The following SRP19 variants were observed in gnomAD, a reference collection of about 807,000 sequenced individuals.
The protein encoded by SRP19 is signal recognition particle 19.
SRP19 carries 11 observed loss-of-function variants against 22.4 expected under a neutral mutation model. The observed-to-expected ratio is 0.49, with a 90% CI of 0.31 to 0.81. The LOEUF (loss-of-function observed/expected upper bound fraction) is 0.81. Among genes scored for constraint, SRP19 ranks in the 40% least tolerant of loss-of-function variants. SRP19 has a pLI of 0.05. For synonymous variants in SRP19, 61 were observed against 57.6 expected, an observed-to-expected ratio of 1.06 and a Z score of -0.27; for missense variants, 168 against 175.9, an observed-to-expected ratio of 0.96 and a Z score of 0.25.
At chr5:112,889,891 A>G (rs957885557) in intron 4 of SRP19, among the ~76,000 whole-genome samples, 3 of 149,796 alleles carry the variant, frequency 2.0e-5, no homozygotes, top group Non-Finnish European at 1.5e-5. Flanking sequence ...CTGTGGCACA[A>G]TATCAGCTCA....
At chr5:112,884,278 T>G in intron 4 of SRP19, among the ~76,000 whole-genome samples, 1 of 152,118 alleles carries the variant, frequency 6.6e-6, no homozygotes, top group Non-Finnish European at 1.5e-5. Context: ...CCTCATCTCC[T>G]CCTGCACCCC....
At position 112,888,333 on chromosome 5, in the gene SRP19, C is replaced by T. The variant is rs1382300488; in HGVS notation, c.302-3270C>T. 1.3e-5 allele frequency among the ~76,000 whole-genome samples: 2 copies of T among 152,230 alleles called. 1 individual carries two copies. Among genetic ancestry groups the T allele is most frequent in the African/African-American group, 4.8e-5 (2 of 41,460 alleles). ...TTTAAAATGCACAAATAGCTCACTC[C>T]ATCAGCACCATGTTGGCTCTGAGAA... is the stretch of plus-strand genomic sequence containing the variant. On this transcript the variant is annotated intron_variant, in intron 4 of 4. Coordinates refer to the SRP19 transcript ENST00000391338.
chr5:112,864,809 A>G (rs1052619767), intron 4 of SRP19, 77 bp downstream of exon 4: 3 of 1,133,136 alleles, frequency 2.6e-6, no homozygotes, highest in Non-Finnish European at 3.8e-6. Flanking sequence ...TCTAAAACTG[A>G]AAGGTAAAAG....
intron 4 of SRP19, 31 bp downstream of exon 4, chr5:112,864,763 C>A: frequency 6.5e-7 from 1 of 1,529,482 alleles, no homozygotes; most frequent in Non-Finnish European, 9.0e-7. Flanking sequence ...CAGTGGGGCT[C>A]AGGGATAGGT....
intron 4 of SRP19, among the ~76,000 whole-genome samples, chr5:112,881,169 GGGA>G (rs775416128): frequency 2.8e-4 from 41 of 147,992 alleles, no homozygotes; most frequent in Non-Finnish European, 5.3e-4. Flanking sequence ...ATCCTAAAGT[GGGA>G]GGAGGTTAAG....
chr5:112,864,936 A>G, intron 4 of SRP19: 1 of 392,848 alleles, frequency 2.5e-6, no homozygotes, highest in Non-Finnish European at 4.5e-6. Flanking sequence ...GAGACCCACT[A>G]AACATTTTTC....
At chr5:112,880,702 T>C (rs555121661) in intron 4 of SRP19, among the ~76,000 whole-genome samples, 59 of 152,338 alleles carry the variant, frequency 3.9e-4, no homozygotes, top group Admixed American at 1.3e-3. Flanking sequence ...CAAAGTAAGA[T>C]TGGATTTTAA....
Position 112,864,543 on chromosome 5 carries a change from T to C in SRP19, c.189+15T>C, listed in dbSNP as rs747707271. The stretch of plus-strand genomic sequence containing the variant: ...TATTTCTTGAGGTATGACGTGGTTC[T>C]TCACTATTTTCCATACTCATCTAAT... On this transcript the variant is annotated intron_variant, in intron 3 of 4. Coordinates refer to ENST00000505459, the MANE Select transcript of SRP19 (RefSeq NM_003135.3). 14 of 1,613,408 alleles carry C rather than the reference T, an allele frequency of 8.7e-6. No homozygotes were observed. The highest frequency in any genetic ancestry group is 1.0e-5 in the Non-Finnish European group (12 of 1,179,468).
At position 112,862,842 on chromosome 5, in the gene SRP19, A is replaced by T. The variant is rs539283585; in HGVS notation, c.117+259A>T. Among the ~76,000 whole-genome samples, 4 of 152,328 alleles carry T rather than the reference A, an allele frequency of 2.6e-5. No individual in the cohort carries two copies. In the South Asian group the frequency reaches 8.3e-4, roughly 32 times the overall value. On this transcript the variant is annotated intron_variant, in intron 2 of 4. Coordinates refer to ENST00000505459, the MANE Select transcript of SRP19 (RefSeq NM_003135.3). ...GGAGTGGGGGCAGAGTGTAGAGTTCACATGTTTTTAAAACAAAGGTTATGA... is the reference window on the plus strand; with the variant it reads ...GGAGTGGGGGCAGAGTGTAGAGTTCTCATGTTTTTAAAACAAAGGTTATGA...
chr5:112,873,497 G>A (rs1463264108), downstream of SRP19, among the ~76,000 whole-genome samples: 3 of 151,370 alleles, frequency 2.0e-5, no homozygotes, highest in African/African-American at 7.3e-5. Context: ...CAGGCATGCG[G>A]CATCAAGCCT....
chr5:112,886,005 C>T (rs1438284411), intron 4 of SRP19, among the ~76,000 whole-genome samples: 1 of 152,202 alleles, frequency 6.6e-6, no homozygotes, highest in African/African-American at 2.4e-5. Flanking sequence ...TATGAGGGCT[C>T]CCCTTTCCCC....
chr5:112,887,716 G>A (rs1318964739), intron 4 of SRP19, among the ~76,000 whole-genome samples: 2 of 151,956 alleles, frequency 1.3e-5, no homozygotes, highest in Non-Finnish European at 1.5e-5. Flanking sequence ...AATCTTTACA[G>A]TTGTTCTTCA....
chr5:112,879,678 G>A (rs1399500022), intron 4 of SRP19, among the ~76,000 whole-genome samples: 1 of 151,862 alleles, frequency 6.6e-6, no homozygotes, highest in African/African-American at 2.4e-5. Context: ...GGGTTTCACT[G>A]TGTTAGCCAG....
At chr5:112,885,462 G>C (rs888504224) in intron 4 of SRP19, 4 of 198,758 alleles carry the variant, frequency 2.0e-5, no homozygotes, top group African/African-American at 9.5e-5. Flanking sequence ...CGAAAGCCAA[G>C]ATAATTCCAT....
intron 4 of SRP19, chr5:112,887,043 T>C (rs1357110834): frequency 2.5e-6 from 4 of 1,612,680 alleles, no homozygotes; most frequent in Non-Finnish European, 3.4e-6. Context: ...CTGCAGTCTC[T>C]TTGGCCTTGT....
chr5:112,880,374 G>T (rs939468314), intron 4 of SRP19, among the ~76,000 whole-genome samples: 1 of 152,200 alleles, frequency 6.6e-6, no homozygotes, highest in African/African-American at 2.4e-5. Flanking sequence ...GGGGAAAGGG[G>T]TTGTCTAGAA....
intron 4 of SRP19, among the ~76,000 whole-genome samples, chr5:112,883,487 C>T (rs973982705): frequency 2.6e-5 from 4 of 152,172 alleles, no homozygotes; most frequent in African/African-American, 9.7e-5. Flanking sequence ...CAATTGGCCA[C>T]TCCTTATCAG....
intron 4 of SRP19, among the ~76,000 whole-genome samples, chr5:112,880,398 A>C (rs1295203780): frequency 1.3e-5 from 2 of 152,216 alleles, no homozygotes; most frequent in Non-Finnish European, 2.9e-5. Flanking sequence ...TCCAGGGCCC[A>C]CTGTGAGATT....
At chr5:112,893,094 TAAAAAAAAAA>T (rs552226372), downstream of SRP19, 87 of 501,486 alleles carry the variant, frequency 1.7e-4, no homozygotes, top group African/African-American at 1.5e-3. Context: ...GTTTTGTTCT[TAAAAAAAAAA>T]AAAAAAAAAA....
Sources: gnomAD v4.1 joint callset for allele counts (sites outside exome capture counted in the v4.1 genomes callset) on GRCh38, gnomAD v4.1.1 for gene constraint, MANE v1.5 for transcripts, NCBI Gene and HGNC (gene_info 2026-07-23, HGNC 2026-07-21) for gene names.